LTN1: variants seen among roughly 807,000 people sequenced by gnomAD.
LTN1 encodes E3 ubiquitin-protein ligase listerin.
LTN1 carries 88 observed loss-of-function variants against 201.2 expected under a neutral mutation model. That is an observed-to-expected ratio of 0.44 (90% confidence interval 0.37 to 0.52). The LOEUF (loss-of-function observed/expected upper bound fraction) is 0.52. LTN1 is among the 20% of genes least tolerant of loss of function. The pLI is 0.00. For missense variants in LTN1, 1,752 were observed against 2,038.7 expected, an observed-to-expected ratio of 0.86 and a Z score of 2.71; for synonymous variants, 645 against 713.5, an observed-to-expected ratio of 0.90 and a Z score of 1.53.
chr21:28,950,317 T>G (rs578159217), intron 18 of LTN1, among the ~76,000 whole-genome samples: 3 of 152,216 alleles, frequency 2.0e-5, no homozygotes, highest in Non-Finnish European at 4.4e-5. Context: ...CCCATACCAT[T>G]TTTTAAATTG....
rs796627337 is a variant in LTN1, at chr21:28,984,718, C to T, written c.550G>A (p.Ala184Thr). The change falls in exon 4 of 30, where the codon GCA becomes ACA. Residue 184 changes from alanine (A) to threonine (T), a missense_variant. This residue lies in a region of LTN1 where 280 missense variants were observed against 375.7 expected (regional missense o/e 0.75). Transcript: ENST00000361371. The stretch of plus-strand genomic sequence containing the variant: ...CTTGTAATTTCATCCTTACAAAATG[C>T]TATGGCTTCAGGTTGCTTGCTTGGA... The part of the protein sequence containing the change: ...FPPSKQPEAI[A>T]FCKDEITSVL... The T allele has an allele frequency of 6.2e-7, 1 of 1,613,734 alleles. No individual in the cohort carries two copies. The highest frequency in any genetic ancestry group is 8.5e-7 in the Non-Finnish European group (1 of 1,179,766).
At chr21:28,941,696 CT>C (rs989147416) in intron 24 of LTN1, among the ~76,000 whole-genome samples, 1 of 152,168 alleles carries the variant, frequency 6.6e-6, no homozygotes, top group Non-Finnish European at 1.5e-5. Context: ...AGTCCAACGT[CT>C]TTCAGTTAGT....
rs773489537 is a variant in LTN1, at chr21:28,929,189, G to A, written c.*1259C>T. 6.6e-6 allele frequency: 1 copy of A among 152,526 alleles called. No homozygotes were observed. The allele number at this position is 152,526 out of a possible 1,614,324, so 9.4% of individuals were successfully genotyped here. On this transcript the variant is annotated 3_prime_UTR_variant, in exon 30 of 30. Transcript: ENST00000361371. ...ATTTCAATAGTCATTTTACCCAGTA[G>A]ATGGAAAGCAGTAATTTTATTTATC... is the stretch of plus-strand genomic sequence containing the variant.
At chr21:28,982,269 G>T in intron 5 of LTN1, 47 bp downstream of exon 5, 2 of 1,482,632 alleles carry the variant, frequency 1.3e-6, no homozygotes, top group Non-Finnish European at 1.9e-6. Context: ...TTACTTATGA[G>T]TGAAACAAAT....
intron 19 of LTN1, among the ~76,000 whole-genome samples, chr21:28,946,660 T>C (rs866520718): frequency 1.3e-5 from 2 of 152,168 alleles, no homozygotes; most frequent in Admixed American, 6.5e-5. Context: ...AAATGGAAAA[T>C]AGAACATACT....
intron 12 of LTN1, among the ~76,000 whole-genome samples, 161 bp downstream of exon 12, chr21:28,960,356 C>CA (rs373367581): frequency 0.09 from 8,330 of 92,178 alleles, 565 homozygotes; most frequent in African/African-American, 0.22. Flanking sequence ...GACTCAGTCT[C>CA]AAAAAAAAAA....
chr21:28,978,137 T>A (rs554982874), intron 6 of LTN1, among the ~76,000 whole-genome samples: 1 of 152,160 alleles, frequency 6.6e-6, no homozygotes, highest in East Asian at 1.9e-4. Flanking sequence ...CAAGCGATCC[T>A]CCTGCCTCAG....
chr21:28,953,956 G>C (rs1032390364), intron 16 of LTN1, among the ~76,000 whole-genome samples: 1 of 152,124 alleles, frequency 6.6e-6, no homozygotes, highest in South Asian at 2.1e-4. Context: ...CTAATACACA[G>C]TCACAGCTCC....
chr21:28,960,485 C>T, intron 12 of LTN1, 32 bp downstream of exon 12: 1 of 1,547,172 alleles, frequency 6.5e-7, no homozygotes, highest in South Asian at 1.2e-5. Context: ...GGACTATTCC[C>T]CATTAGAAAA....
At chr21:28,962,867 C>A (rs1035936624) in intron 11 of LTN1, among the ~76,000 whole-genome samples, 4 of 152,178 alleles carry the variant, frequency 2.6e-5, no homozygotes, top group African/African-American at 9.7e-5. Context: ...CAGAAAGTGA[C>A]ATAGACTTAC....
chr21:28,960,572 G>C lies in LTN1; in HGVS notation c.2298C>G (p.His766Gln). The C allele has an allele frequency of 6.2e-7, 1 of 1,613,888 alleles. No homozygotes were observed. The highest frequency in any genetic ancestry group is 8.5e-7 in the Non-Finnish European group (1 of 1,179,846). ...TTAGAAGAGTCCATCTTTCTGAGAA[G>C]TGAGATTCTGAAGATACCCTGGATT... Reference protein sequence around the residue: ...DLESRVSSESHFSERWTLLSL... With the variant: ...DLESRVSSESQFSERWTLLSL... Residue 766 changes from histidine to glutamine, a missense_variant, in exon 12 of 30, where the codon CAC becomes CAG. Around this residue, in one of 3 missense-constraint regions of LTN1, gnomAD observed 1,211 missense variants for 1,312.8 expected, o/e 0.92. Coordinates refer to ENST00000361371, the MANE Select transcript of LTN1 (RefSeq NM_015565.3).
chr21:28,983,144 C>T (rs1321439255), intron 4 of LTN1, among the ~76,000 whole-genome samples: 4 of 152,264 alleles, frequency 2.6e-5, no homozygotes, highest in Non-Finnish European at 4.4e-5. Flanking sequence ...CTCTCTAATA[C>T]ATGGGTTTGG....
chr21:28,966,669 G>C lies in LTN1; in HGVS notation c.1822C>G (p.Arg608Gly), dbSNP rs1233218059. 6.2e-7 allele frequency: 1 copy of C among 1,613,774 alleles called. No individual in the cohort carries two copies. The change falls in exon 10 of 30, where the codon CGA (arginine) becomes GGA (glycine). Residue 608 changes from arginine to glycine, a missense_variant. This residue lies in a region of LTN1 where 1,211 missense variants were observed against 1,312.8 expected (regional missense o/e 0.92). Coordinates refer to ENST00000361371, the MANE Select transcript of LTN1 (RefSeq NM_015565.3). ...AACCTTAGATGTTGCTCTGACTTTC[G>C]TTCATTGACATAATTAATACTTATA... ...ADISINYVNE[R>G]KSEQHLRFLS...
Position 28,959,543 on chromosome 21 carries a change from T to C in LTN1, c.2508A>G (p.Gly836=), listed in dbSNP as rs1367379746. The change falls in exon 13 of 30, where the codon GGA becomes GGG. Residue 836 remains glycine, a synonymous_variant. Transcript: ENST00000361371. ...CTTCAGATGATGGCATTAGCAAGCA[T>C]CCTTTCGCTGAGCTGAAATAGTTAT... ...VAYNYFSSAK[G]CLLMPSSEDL... is the part of the protein sequence containing the mutation. 3 of 1,613,932 alleles carry C rather than the reference T, an allele frequency of 1.9e-6. No homozygotes were observed. Among genetic ancestry groups the C allele is most frequent in the African/African-American group, 2.7e-5 (2 of 74,912 alleles).
intron 26 of LTN1, among the ~76,000 whole-genome samples, chr21:28,936,088 T>A (rs1466867777): frequency 3.9e-5 from 6 of 152,188 alleles, no homozygotes; most frequent in Non-Finnish European, 7.3e-5. Flanking sequence ...CAAGATGCAG[T>A]CCATCCTCAG....
chr21:28,970,378 C>G (rs546986216), intron 8 of LTN1, among the ~76,000 whole-genome samples, 174 bp downstream of exon 8: 2 of 152,240 alleles, frequency 1.3e-5, no homozygotes, highest in South Asian at 4.1e-4. Flanking sequence ...CTGTGTGCTA[C>G]CACTGAAGTC....
At chr21:28,944,715 G>C (rs1305099556) in intron 21 of LTN1, 119 bp from the exon 22 acceptor site, 1 of 710,316 alleles carries the variant, frequency 1.4e-6, no homozygotes, top group African/African-American at 1.8e-5. Flanking sequence ...AAAAGCAGTT[G>C]AGGTGTGTAA....
In LTN1 at chr21:28,986,717, A is replaced by G; in HGVS notation, c.246+14T>C. ...GATTTTCTTGATAATTTTTATGAAAACAAGAAAACTTGCTTTTAATTTTGT... is the reference window on the plus strand; with the variant it reads ...GATTTTCTTGATAATTTTTATGAAAGCAAGAAAACTTGCTTTTAATTTTGT... On this transcript the variant is annotated intron_variant, in intron 2 of 29. Transcript: ENST00000361371. This position sits in a 1 kb window ranked among gnomAD's most constrained non-coding sequence, Gnocchi z 4.1. The G allele has an allele frequency of 6.3e-7, 1 of 1,588,250 alleles. No homozygotes were observed.
At chr21:28,971,751 A>T (rs1460856250) in intron 6 of LTN1, among the ~76,000 whole-genome samples, 1 of 152,188 alleles carries the variant, frequency 6.6e-6, no homozygotes, top group Non-Finnish European at 1.5e-5. Flanking sequence ...ACAGAAAATA[A>T]GACACCATGA....
Sources: gnomAD v4.1 joint callset for allele counts (sites outside exome capture counted in the v4.1 genomes callset) on GRCh38, gnomAD v4.1.1 for gene constraint, gnomAD v4.1.1 regional missense constraint, Gnocchi (gnomAD v3.1) non-coding constraint, MANE v1.5 for transcripts, NCBI Gene and HGNC (gene_info 2026-07-23, HGNC 2026-07-21) for gene names.